GRM5: variants seen among roughly 807,000 people sequenced by gnomAD.
The protein encoded by GRM5 is metabotropic glutamate receptor 5.
In GRM5, 19 loss-of-function variants were observed where a neutral mutation model predicts 83.1. The observed-to-expected ratio is 0.23, with a 90% CI of 0.16 to 0.34. GRM5 has a LOEUF of 0.34. GRM5 is among the 10% of genes least tolerant of loss of function. The pLI, the probability that GRM5 is intolerant of heterozygous loss-of-function variation, is 1.00. For synonymous variants in GRM5, 675 were observed against 633.6 expected, an observed-to-expected ratio of 1.07 and a Z score of -0.98; for missense variants, 1,160 against 1,588.3, an observed-to-expected ratio of 0.73 and a Z score of 4.58.
At chr11:89,019,148 G>T (rs1387798740) in intron 2 of GRM5, among the ~76,000 whole-genome samples, 1 of 152,092 alleles carries the variant, frequency 6.6e-6, no homozygotes, top group Non-Finnish European at 1.5e-5. Flanking sequence ...CACGAATCGG[G>T]TATTTTGTAG....
intron 3 of GRM5, among the ~76,000 whole-genome samples, chr11:88,744,229 T>C (rs1021073145): frequency 2.0e-5 from 3 of 152,094 alleles, no homozygotes; most frequent in Non-Finnish European, 2.9e-5. Flanking sequence ...GTGAATAATA[T>C]TAATGAAAGG....
rs139780111 is a variant in GRM5, at chr11:88,615,321, T to C, written c.1148-10357A>G. ...CAACAAAATACCAGAAGAGAACAAATAGAAGTTTAACTTTTGTAATTTCTT... is the reference window on the plus strand; with the variant it reads ...CAACAAAATACCAGAAGAGAACAAACAGAAGTTTAACTTTTGTAATTTCTT... On this transcript the variant is annotated intron_variant, in intron 4 of 9. Coordinates refer to ENST00000305447, the MANE Select transcript of GRM5 (RefSeq NM_001143831.3). Among the ~76,000 whole-genome samples, 66 of 152,232 alleles carry C rather than the reference T, an allele frequency of 4.3e-4. 1 individual carries two copies. Among genetic ancestry groups the C allele is most frequent in the African/African-American group, 1.6e-3 (65 of 41,554 alleles).
chr11:88,957,675 GATC>G (rs1276671940), intron 2 of GRM5, among the ~76,000 whole-genome samples: 1 of 152,060 alleles, frequency 6.6e-6, no homozygotes, highest in African/African-American at 2.4e-5. Flanking sequence ...AAACTAACAG[GATC>G]ATATCAGAAA....
chr11:89,009,806 C>T (rs1382723748), intron 2 of GRM5, among the ~76,000 whole-genome samples: 2 of 141,732 alleles, frequency 1.4e-5, no homozygotes, highest in Non-Finnish European at 3.0e-5. Context: ...GAGGCTGAGG[C>T]AGGAGAATGG....
chr11:88,597,368 A>AT lies in GRM5; in HGVS notation c.1395-17dup. 1 of 1,303,144 alleles carries AT rather than the reference A, an allele frequency of 7.7e-7. No individual in the cohort carries two copies. The highest frequency in any genetic ancestry group is 1.3e-5 in the South Asian group (1 of 76,444). The allele number at this position is 1,303,144 out of a possible 1,614,324, so 80.7% of individuals were successfully genotyped here. On this transcript the variant is annotated splice_polypyrimidine_tract_variant and intron_variant, in intron 5 of 9. Coordinates refer to ENST00000305447, the MANE Select transcript of GRM5 (RefSeq NM_001143831.3). ...TATTTCATACCTTAGGAATAAGAATATGATAATTATGCAGCTTAAGATGTA... is the reference window on the plus strand; with the variant it reads ...TATTTCATACCTTAGGAATAAGAATATTGATAATTATGCAGCTTAAGATGTA...
At chr11:89,055,715 T>G (rs1941860210) in intron 1 of GRM5, among the ~76,000 whole-genome samples, 1 of 151,890 alleles carries the variant, frequency 6.6e-6, no homozygotes, top group Non-Finnish European at 1.5e-5. Flanking sequence ...GAAATCTCTC[T>G]CATAATATAT....
chr11:88,565,707 G>C (rs1464740554), intron 8 of GRM5, among the ~76,000 whole-genome samples: 1 of 152,238 alleles, frequency 6.6e-6, no homozygotes, highest in Non-Finnish European at 1.5e-5. Flanking sequence ...AAGGCCTGCT[G>C]TGTACAGACC....
At chr11:88,786,064 G>A (rs1418347361) in intron 3 of GRM5, among the ~76,000 whole-genome samples, 1 of 152,060 alleles carries the variant, frequency 6.6e-6, no homozygotes, top group East Asian at 1.9e-4. Context: ...GTGTCCAAGA[G>A]ATATCAAATA....
At chr11:88,579,033 A>G (rs1158977709) in intron 7 of GRM5, among the ~76,000 whole-genome samples, 1 of 152,182 alleles carries the variant, frequency 6.6e-6, no homozygotes. Context: ...CTGTGTGATC[A>G]TGAGCATGGA....
chr11:89,010,065 A>G (rs1220028622), intron 2 of GRM5, among the ~76,000 whole-genome samples: 2 of 149,456 alleles, frequency 1.3e-5, no homozygotes, highest in East Asian at 3.9e-4. Flanking sequence ...ATACATGTAT[A>G]TTAACATATA....
intron 2 of GRM5, among the ~76,000 whole-genome samples, chr11:88,852,930 CA>C (rs1944411957): frequency 6.6e-6 from 1 of 151,844 alleles, no homozygotes; most frequent in South Asian, 2.1e-4. Flanking sequence ...ACAGGCTTCT[CA>C]AATAAAAATA....
chr11:88,572,039 A>G (rs1490011763), intron 7 of GRM5, among the ~76,000 whole-genome samples: 4 of 152,236 alleles, frequency 2.6e-5, no homozygotes, highest in African/African-American at 4.8e-5. Context: ...GCTGATAGCA[A>G]TACTGTTAAC....
At chr11:88,918,152 C>T (rs571529315) in intron 2 of GRM5, among the ~76,000 whole-genome samples, 101 of 151,776 alleles carry the variant, frequency 6.7e-4, no homozygotes, top group African/African-American at 2.3e-3. Context: ...TGACCTTACA[C>T]ACCAGGAGAG....
chr11:88,739,186 C>T (rs1286447030), intron 3 of GRM5, among the ~76,000 whole-genome samples: 2 of 152,058 alleles, frequency 1.3e-5, no homozygotes, highest in African/African-American at 2.4e-5. Flanking sequence ...CTACTATTCT[C>T]TCCTTGGCAT....
chr11:88,631,822 A>T (rs1208782054), intron 4 of GRM5, among the ~76,000 whole-genome samples: 2 of 152,208 alleles, frequency 1.3e-5, no homozygotes, highest in African/African-American at 2.4e-5. Flanking sequence ...TTGGTTACAG[A>T]CATCAAAATC....
intron 3 of GRM5, among the ~76,000 whole-genome samples, chr11:88,791,446 C>A (rs1157860243): frequency 2.0e-5 from 3 of 152,176 alleles, no homozygotes; most frequent in African/African-American, 4.8e-5. Context: ...AAATGCTGAG[C>A]TGCTACTGCT....
chr11:89,026,152 G>T (rs906967417), intron 2 of GRM5, among the ~76,000 whole-genome samples: 1 of 152,058 alleles, frequency 6.6e-6, no homozygotes, highest in Non-Finnish European at 1.5e-5. Flanking sequence ...TAGACCCTGG[G>T]GACTACTTGA....
chr11:88,523,370 G>A (rs1273689352), intron 9 of GRM5, among the ~76,000 whole-genome samples: 1 of 152,182 alleles, frequency 6.6e-6, no homozygotes, highest in Non-Finnish European at 1.5e-5. Flanking sequence ...AAGAGCCCTT[G>A]AGCACTCATT....
intron 2 of GRM5, among the ~76,000 whole-genome samples, chr11:88,970,682 G>C (rs1939140262): frequency 6.6e-6 from 1 of 152,202 alleles, no homozygotes; most frequent in Non-Finnish European, 1.5e-5. Context: ...GCATTGGTAT[G>C]ATGAGTGTCA....
Sources: allele counts gnomAD v4.1 joint callset (sites outside exome capture counted in the v4.1 genomes callset), GRCh38; gene constraint gnomAD v4.1.1; transcripts MANE v1.5; gene names NCBI Gene and HGNC (gene_info 2026-07-23, HGNC 2026-07-21).